Variants in MERTK observed in about 807,000 individuals in gnomAD.
MERTK encodes MER proto-oncogene, tyrosine kinase.
A neutral mutation model predicts 99.3 loss-of-function variants in MERTK; 69 were observed. The observed-to-expected ratio is 0.70, with a 90% confidence interval of 0.57 to 0.85. The LOEUF (loss-of-function observed/expected upper bound fraction) is 0.85. Ranked by LOEUF, MERTK falls within the 40% of genes least tolerant of loss-of-function variation. The pLI, the probability that MERTK is intolerant of heterozygous loss-of-function variation, is 0.00. For missense variants in MERTK, 1,125 were observed against 1,249.4 expected, an observed-to-expected ratio of 0.90 and a Z score of 1.50; for synonymous variants, 426 against 467.6, an observed-to-expected ratio of 0.91 and a Z score of 1.15.
chr2:111,919,011 T>A (rs930873002), intron 1 of MERTK, among the ~76,000 whole-genome samples: 4 of 152,164 alleles, frequency 2.6e-5, no homozygotes, highest in Admixed American at 2.6e-4. Context: ...GGAGGGAAAC[T>A]GTCTCATTTT....
At position 111,977,622 on chromosome 2, in the gene MERTK, A is replaced by G. The variant is rs77359252; in HGVS notation, c.1144+2150A>G. 6.1e-3 allele frequency among the ~76,000 whole-genome samples: 933 copies of G among 152,050 alleles called. 8 individuals are homozygous for G. Among genetic ancestry groups the G allele is most frequent in the African/African-American group, 0.02 (811 of 41,448 alleles). On this transcript the variant is annotated intron_variant, in intron 7 of 18. Coordinates refer to ENST00000295408, the MANE Select transcript of MERTK (RefSeq NM_006343.3). Reference sequence around the variant, plus strand: ...CATCAAATTTGGAAAAAGTTTGGCCATTATTTCTTCACATTTTTTTTCTGT... The same window carrying G: ...CATCAAATTTGGAAAAAGTTTGGCCGTTATTTCTTCACATTTTTTTTCTGT...
At chr2:112,013,029 CT>C (rs939704815) in intron 15 of MERTK, among the ~76,000 whole-genome samples, 8 of 152,026 alleles carry the variant, frequency 5.3e-5, no homozygotes, top group African/African-American at 1.2e-4. Context: ...TTTTGCTTTG[CT>C]TTTTTTCCCC....
chr2:111,931,215 T>C (rs1684663523), intron 2 of MERTK, among the ~76,000 whole-genome samples: 1 of 152,078 alleles, frequency 6.6e-6, no homozygotes, highest in South Asian at 2.1e-4. Flanking sequence ...TTACATTTTT[T>C]CCCCCAGGTT....
Position 112,029,311 on chromosome 2 carries a change from A to G in MERTK, c.*447A>G, listed in dbSNP as rs1267429288. The G allele has an allele frequency of 1.0e-6, 1 of 957,082 alleles. No individual in the cohort carries two copies. The highest frequency in any genetic ancestry group is 1.2e-6 in the Non-Finnish European group (1 of 801,440). 59.3% of individuals were successfully genotyped at this position (957,082 alleles called of 1,614,324 possible). A position where few individuals can be genotyped will look rare whatever the true frequency, so the allele number is the denominator to read the frequency against. On this transcript the variant is annotated 3_prime_UTR_variant, in exon 19 of 19. Transcript: ENST00000295408. ...TAAGAATGATTCATTCAATGTTTAA[A>G]GTTGTATAACTGATTAATTTTCTGA...
chr2:111,964,039 C>CTTCCTTTTTTTTT (rs1305839691), intron 4 of MERTK, among the ~76,000 whole-genome samples: 60 of 40,496 alleles, frequency 1.5e-3, no homozygotes, highest in African/African-American at 5.2e-3. Flanking sequence ...CAAAAATTTT[C>CTTCCTTTTTTTTT]TTTCTTTTTT....
At chr2:111,951,600 G>A (rs539555063) in intron 4 of MERTK, among the ~76,000 whole-genome samples, 30 of 139,746 alleles carry the variant, frequency 2.1e-4, no homozygotes, top group African/African-American at 7.0e-4. Flanking sequence ...CATTGTTTCC[G>A]TGTCTAAGCT....
chr2:112,028,220 C>G (rs1210661647), intron 18 of MERTK, 131 bp from the exon 19 acceptor site: 1 of 1,045,862 alleles, frequency 9.6e-7, no homozygotes, highest in Non-Finnish European at 1.4e-6. Flanking sequence ...AAAAAAGTCT[C>G]AATAATTTTT....
intron 1 of MERTK, among the ~76,000 whole-genome samples, chr2:111,910,040 G>A (rs181151995): frequency 5.5e-4 from 84 of 152,258 alleles, no homozygotes; most frequent in Non-Finnish European, 7.4e-5. Flanking sequence ...GTCCATCAAC[G>A]GATGAATGGA....
At chr2:111,925,292 A>ATATATATTTTT (rs372747015) in intron 1 of MERTK, among the ~76,000 whole-genome samples, 27 of 24,498 alleles carry the variant, frequency 1.1e-3, no homozygotes, top group African/African-American at 3.7e-3. Context: ...ATATATATAT[A>ATATATATTTTT]TTTTTTTTTT....
chr2:112,024,971 T>G (rs1305110848), intron 18 of MERTK: 1 of 154,290 alleles, frequency 6.5e-6, no homozygotes. Flanking sequence ...AAAACAAATC[T>G]AAAGTGTTTC....
chr2:111,980,568 G>A (rs868137466), intron 7 of MERTK, among the ~76,000 whole-genome samples: 12 of 151,928 alleles, frequency 7.9e-5, no homozygotes, highest in African/African-American at 2.2e-4. Context: ...ACAGGCGCCC[G>A]CCACCACGCC....
intron 16 of MERTK, among the ~76,000 whole-genome samples, chr2:112,019,723 T>C (rs893761950): frequency 6.6e-6 from 1 of 152,200 alleles, no homozygotes; most frequent in East Asian, 1.9e-4. Context: ...CTGGTTGGCT[T>C]CCAAAGCTTT....
intron 8 of MERTK, among the ~76,000 whole-genome samples, chr2:111,991,781 G>A (rs1676624415): frequency 6.6e-6 from 1 of 152,030 alleles, no homozygotes; most frequent in Non-Finnish European, 1.5e-5. Context: ...GTGGAGGGGA[G>A]CTTTCCATCC....
chr2:112,024,558 C>T (rs527638396), intron 18 of MERTK, among the ~76,000 whole-genome samples: 29 of 152,326 alleles, frequency 1.9e-4, no homozygotes, highest in African/African-American at 6.7e-4. Flanking sequence ...CTTCCATCTC[C>T]TCTCGAATCT....
At chr2:112,010,973 G>A (rs1196871678) in intron 15 of MERTK, among the ~76,000 whole-genome samples, 3 of 152,080 alleles carry the variant, frequency 2.0e-5, no homozygotes, top group African/African-American at 7.2e-5. Flanking sequence ...TGGGCAAAAG[G>A]CAAAAGTCAC....
chr2:112,019,600 TC>T, intron 16 of MERTK, 78 bp downstream of exon 16: 1 of 1,099,302 alleles, frequency 9.1e-7, no homozygotes. Flanking sequence ...GAGGACCTGT[TC>T]CTGTTTAGAT....
At chr2:111,914,639 A>C (rs1368824978) in intron 1 of MERTK, among the ~76,000 whole-genome samples, 1 of 152,204 alleles carries the variant, frequency 6.6e-6, no homozygotes, top group Non-Finnish European at 1.5e-5. Flanking sequence ...ATTTTGTTAA[A>C]TGAACAATAT....
At chr2:112,010,395 A>C in intron 15 of MERTK, 4 of 294,262 alleles carry the variant, frequency 1.4e-5, no homozygotes. Context: ...CTTGCAGACT[A>C]TGGGAAGGCC....
intron 3 of MERTK, among the ~76,000 whole-genome samples, chr2:111,947,167 G>A (rs1477607532): frequency 6.6e-6 from 1 of 152,084 alleles, no homozygotes; most frequent in Non-Finnish European, 1.5e-5. Flanking sequence ...CAGCTACTTA[G>A]GAGGCTGAGG....
Sources: gnomAD v4.1 joint callset for allele counts (sites outside exome capture counted in the v4.1 genomes callset) on GRCh38, gnomAD v4.1.1 for gene constraint, MANE v1.5 for transcripts, NCBI Gene and HGNC (gene_info 2026-07-23, HGNC 2026-07-21) for gene names.